G3BP1: variants seen among roughly 807,000 people sequenced by gnomAD.
G3BP1 encodes G3BP stress granule assembly factor 1, also known as ras GTPase-activating protein-binding protein 1.
G3BP1 carries 35 observed loss-of-function variants against 58.6 expected under a neutral mutation model. The observed-to-expected ratio is 0.60, with a 90% CI of 0.46 to 0.79. G3BP1 has a LOEUF of 0.79. Ranked by LOEUF, G3BP1 falls within the 30% of genes least tolerant of loss-of-function variation. The pLI, the probability that G3BP1 is intolerant of heterozygous loss-of-function variation, is 0.00. For missense variants in G3BP1, 523 were observed against 580.8 expected (o/e 0.90, Z 1.02); for synonymous variants, 191 against 195.4 (o/e 0.98, Z 0.19).
chr5:151,772,180 C>CGCGCGCGGCGGACGGACGG (rs981776998), intron 1 of G3BP1, 144 bp downstream of exon 1: 8 of 147,732 alleles, frequency 5.4e-5, no homozygotes, highest in African/African-American at 7.4e-5. Flanking sequence ...CGGCCGCAGG[C>CGCGCGCGGCGGACGGACGG]GCGCGCGGCG....
intron 7 of G3BP1, among the ~76,000 whole-genome samples, chr5:151,798,962 A>C (rs1405186422): frequency 6.6e-6 from 1 of 151,034 alleles, no homozygotes; most frequent in East Asian, 1.9e-4. Flanking sequence ...TTCTGTCTCA[A>C]AAAAAAAAGT....
intron 3 of G3BP1, 41 bp from the exon 4 acceptor site, chr5:151,790,848 C>A: frequency 1.7e-6 from 2 of 1,150,252 alleles, no homozygotes; most frequent in Non-Finnish European, 2.5e-6. Flanking sequence ...AATTTTAAGG[C>A]ATTCTCAGTT....
chr5:151,783,490 C>G (rs1224198928), intron 1 of G3BP1, among the ~76,000 whole-genome samples: 1 of 151,802 alleles, frequency 6.6e-6, no homozygotes, highest in African/African-American at 2.4e-5. Flanking sequence ...TCGCTGCAAC[C>G]TCTGCCTCCC....
chr5:151,788,464 T>A (rs1199821046), intron 2 of G3BP1, among the ~76,000 whole-genome samples: 1 of 151,626 alleles, frequency 6.6e-6, no homozygotes, highest in Non-Finnish European at 1.5e-5. Context: ...AGTGGTGAGA[T>A]CATAGCTTAC....
intron 8 of G3BP1, 39 bp from the exon 9 acceptor site, chr5:151,799,850 G>A: frequency 1.7e-6 from 2 of 1,175,000 alleles, no homozygotes; most frequent in Non-Finnish European, 2.5e-6. Context: ...GGATAAGCCT[G>A]CTTTGTTTTA....
intron 1 of G3BP1, among the ~76,000 whole-genome samples, chr5:151,772,925 A>G (rs1478900094): frequency 1.3e-5 from 2 of 152,190 alleles, no homozygotes. Flanking sequence ...CAGGGAGACA[A>G]GGGTTGGAAG....
chr5:151,789,075 T>A (rs1762602919), intron 2 of G3BP1, among the ~76,000 whole-genome samples: 1 of 151,748 alleles, frequency 6.6e-6, no homozygotes, highest in South Asian at 2.1e-4. Flanking sequence ...GTGCCCAGCC[T>A]TTTTTTGTAT....
Position 151,809,789 on chromosome 5 carries a change from T to C in G3BP1, c.*5698T>C, listed in dbSNP as rs541761416. The stretch of plus-strand genomic sequence containing the variant: ...CAGGAGAAAAAGGGAAGGTATCACT[T>C]TTTGTATGTTCACCCAGTTGCTTCT... On this transcript the variant is annotated 3_prime_UTR_variant, in exon 12 of 12. Coordinates refer to ENST00000356245, the MANE Select transcript of G3BP1 (RefSeq NM_005754.3). The C allele has an allele frequency of 6.6e-6, 1 of 152,272 alleles. No homozygotes were observed. Among genetic ancestry groups the C allele is most frequent in the African/African-American group, 2.4e-5 (1 of 41,544 alleles). The allele number at this position is 152,272 out of a possible 1,614,324, so 9.4% of individuals were successfully genotyped here.
chr5:151,790,732 G>C (rs1403191296), intron 3 of G3BP1, among the ~76,000 whole-genome samples, 157 bp from the exon 4 acceptor site: 1 of 152,154 alleles, frequency 6.6e-6, no homozygotes, highest in Non-Finnish European at 1.5e-5. Flanking sequence ...ACTGGGAATA[G>C]AGTATACAAA....
chr5:151,794,292 T>A lies in G3BP1; in HGVS notation c.442+43T>A, dbSNP rs73281659. Reference sequence around the variant, plus strand: ...TTAAATTACTTGTCTAAATTTTTTTTAATGGCATCCGATTGCCCTTAAGAG... The same window carrying A: ...TTAAATTACTTGTCTAAATTTTTTTAAATGGCATCCGATTGCCCTTAAGAG... On this transcript the variant is annotated intron_variant, in intron 5 of 11. Coordinates refer to ENST00000356245, the MANE Select transcript of G3BP1 (RefSeq NM_005754.3). 1,118 of 1,117,712 alleles carry A rather than the reference T, an allele frequency of 1.0e-3. 6 individuals are homozygous for A. The African/African-American group carries it at 0.016, about 16-fold the overall frequency. The allele number at this position is 1,117,712 out of a possible 1,614,324, so 69.2% of individuals were successfully genotyped here.
rs1180858457 is a variant in G3BP1 at position 151,809,856 on chromosome 5, T to C, written c.*5765T>C. 2.0e-5 allele frequency: 3 copies of C among 152,234 alleles called. No individual in the cohort carries two copies. Among genetic ancestry groups the C allele is most frequent in the Admixed American group, 6.5e-5 (1 of 15,286 alleles). 9.4% of individuals were successfully genotyped at this position (152,234 alleles called of 1,614,324 possible). A position where few individuals can be genotyped will look rare whatever the true frequency, so the allele number is the denominator to read the frequency against. On this transcript the variant is annotated 3_prime_UTR_variant, in exon 12 of 12. Transcript: ENST00000356245. The stretch of plus-strand genomic sequence containing the variant: ...TGTTTTCTCAATTTTCTTAGAACTG[T>C]CTTTAATGGCCCAGCTCTACCAGGG...
Position 151,790,384 on chromosome 5 carries a change from G to A in G3BP1, c.157G>A (p.Asp53Asn), listed in dbSNP as rs1762630176. 1 of 1,583,108 alleles carries A rather than the reference G, an allele frequency of 6.3e-7. No homozygotes were observed. The highest frequency in any genetic ancestry group is 8.6e-7 in the Non-Finnish European group (1 of 1,163,394). ...ATTGGATTCAAATGGAAAGCCAGCA[G>A]ATGCAGTCTACGGACAGAAAGTAAG... The part of the protein sequence containing the change: ...GGLDSNGKPA[D>N]AVYGQKEIHR... Residue 53 changes from aspartate to asparagine, a missense_variant, in exon 3 of 12, where the codon GAT becomes AAT. By Grantham distance (23) the Asp-to-Asn change is conservative (BLOSUM62 1). Coordinates refer to ENST00000356245, the MANE Select transcript of G3BP1 (RefSeq NM_005754.3).
In G3BP1 at chr5:151,803,878, C is replaced by G; in HGVS notation, c.1195-7C>G. On this transcript the variant is annotated splice_polypyrimidine_tract_variant and splice_region_variant and intron_variant, in intron 11 of 11. Coordinates refer to ENST00000356245, the MANE Select transcript of G3BP1 (RefSeq NM_005754.3). ...ACTCTTAAGTCTGGTCACCTTGATT[C>G]TTACAGCCCATCATGTTCAGAGGTG... is the stretch of plus-strand genomic sequence containing the variant. 1 of 1,602,424 alleles carries G rather than the reference C, an allele frequency of 6.2e-7. No individual in the cohort carries two copies. Among genetic ancestry groups the G allele is most frequent in the African/African-American group, 1.3e-5 (1 of 74,818 alleles).
Position 151,772,019 on chromosome 5 carries a change from T to A in G3BP1, c.-67T>A, listed in dbSNP as rs1194871403. 6.6e-6 allele frequency: 1 copy of A among 152,668 alleles called. No individual in the cohort carries two copies. The highest frequency in any genetic ancestry group is 1.9e-4 in the East Asian group (1 of 5,210). 9.5% of individuals were successfully genotyped at this position (152,668 alleles called of 1,614,324 possible). On this transcript the variant is annotated 5_prime_UTR_variant, in exon 1 of 12. Coordinates refer to ENST00000356245, the MANE Select transcript of G3BP1 (RefSeq NM_005754.3). Reference sequence around the variant, plus strand: ...TGCTGTGGTGCAGAGCTAGTTCCTCTCCAGCTCAGCCGCGTAGGTACGCCG... The same window carrying A: ...TGCTGTGGTGCAGAGCTAGTTCCTCACCAGCTCAGCCGCGTAGGTACGCCG...
intron 6 of G3BP1, among the ~76,000 whole-genome samples, chr5:151,796,381 G>A (rs1483810486): frequency 1.5e-4 from 23 of 152,184 alleles, no homozygotes; most frequent in Admixed American, 1.5e-3. Flanking sequence ...CAATCCCCCT[G>A]CCTCAGCCTC....
At position 151,812,719 on chromosome 5, in the gene G3BP1, AC is replaced by A. The variant is rs1382552312; in HGVS notation, c.*8632del. On this transcript the variant is annotated 3_prime_UTR_variant, in exon 12 of 12. Transcript: ENST00000356245. ...TAAGATCGAGTGTATAAATAAAATA[AC>A]CCCTTCCTCCAGTGACTGTGCATTT... is the stretch of plus-strand genomic sequence containing the variant. 2.6e-5 allele frequency: 4 copies of A among 152,156 alleles called. No homozygotes were observed. Among genetic ancestry groups the A allele is most frequent in the Non-Finnish European group, 5.9e-5 (4 of 68,020 alleles). The allele number at this position is 152,156 out of a possible 1,614,324, so 9.4% of individuals were successfully genotyped here.
chr5:151,784,569 A>G (rs530872825), intron 1 of G3BP1, among the ~76,000 whole-genome samples: 7 of 152,180 alleles, frequency 4.6e-5, no homozygotes, highest in Non-Finnish European at 1.0e-4. Context: ...AAAACTTAAT[A>G]TTTGGGAAAA....
At chr5:151,794,376 G>T (rs1050309509) in intron 5 of G3BP1, 127 bp downstream of exon 5, 3 of 618,574 alleles carry the variant, frequency 4.8e-6, no homozygotes, top group Non-Finnish European at 8.7e-6. Flanking sequence ...ACTAATTATG[G>T]TATATGAAGA....
At position 151,786,031 on chromosome 5, in the gene G3BP1, C is replaced by T. The variant is rs555026524; in HGVS notation, c.-49-541C>T. Among the ~76,000 whole-genome samples, 8 of 152,318 alleles carry T rather than the reference C, an allele frequency of 5.3e-5. 1 individual carries two copies. The highest frequency in any genetic ancestry group is 1.9e-4 in the African/African-American group (8 of 41,580). ...GAAAATTACCAGGTGCTGTGGCTCA[C>T]GCCTGTAATCCCAGCACTTTGGGAG... On this transcript the variant is annotated intron_variant, in intron 1 of 11. Transcript: ENST00000356245.
Sources: gnomAD v4.1 joint callset for allele counts (sites outside exome capture counted in the v4.1 genomes callset) on GRCh38, gnomAD v4.1.1 for gene constraint, MANE v1.5 for transcripts, NCBI Gene and HGNC (gene_info 2026-07-23, HGNC 2026-07-21) for gene names.